The following DEDD2 variants were observed in gnomAD, a reference collection of about 807,000 sequenced individuals.
DEDD2 encodes DNA-binding death effector domain-containing protein 2.
A neutral mutation model predicts 28.9 loss-of-function variants in DEDD2; 18 were observed. That is an observed-to-expected ratio of 0.62 (90% CI 0.43 to 0.92). DEDD2 has a LOEUF of 0.92. DEDD2 is among the 40% of genes least tolerant of loss of function. The probability of loss-of-function intolerance (pLI) is 0.00; values close to 1 mark genes in which losing one functional copy is unlikely to be tolerated. For synonymous variants in DEDD2, 211 were observed against 206.1 expected, an observed-to-expected ratio of 1.02 and a Z score of -0.20; for missense variants, 411 against 463.3, an observed-to-expected ratio of 0.89 and a Z score of 1.04.
At chr19:42,219,161 G>A (rs1007007108), upstream of DEDD2, among the ~76,000 whole-genome samples, 2 of 151,852 alleles carry the variant, frequency 1.3e-5, no homozygotes, top group Non-Finnish European at 2.9e-5. Flanking sequence ...AAAATTAGCC[G>A]GGCGTGCTGA....
chr19:42,210,867 G>C (rs981517961), intron 3 of DEDD2, among the ~76,000 whole-genome samples: 2 of 151,694 alleles, frequency 1.3e-5, no homozygotes, highest in Non-Finnish European at 2.9e-5. Context: ...TCAGGAGTTC[G>C]AGACCAGTTT....
intron 3 of DEDD2, among the ~76,000 whole-genome samples, chr19:42,214,757 T>C (rs1021171020): frequency 2.6e-5 from 4 of 152,048 alleles, no homozygotes; most frequent in African/African-American, 7.2e-5. Context: ...ACCAAGCCCC[T>C]ATCTTGAAAA....
At position 42,199,343 on chromosome 19, in the gene DEDD2, C is replaced by T; in HGVS notation, c.*95G>A. 2.1e-6 allele frequency: 3 copies of T among 1,434,876 alleles called. No individual in the cohort carries two copies. The highest frequency in any genetic ancestry group is 2.7e-6 in the Non-Finnish European group (3 of 1,096,594). 88.9% of individuals were successfully genotyped at this position (1,434,876 alleles called of 1,614,324 possible). On this transcript the variant is annotated 3_prime_UTR_variant, in exon 5 of 5. Transcript: ENST00000596251. The surrounding 1 kb of genome is among the most constrained non-coding windows in gnomAD (Gnocchi z 7.4). ...GGTCCTGTCGCAGTCCTCAAAGATGCTAGAGTGACAGTCCTCTAGGGGTAG... is the reference window on the plus strand; with the variant it reads ...GGTCCTGTCGCAGTCCTCAAAGATGTTAGAGTGACAGTCCTCTAGGGGTAG...
At chr19:42,205,212 AAG>A (rs1456631963) in intron 4 of DEDD2, among the ~76,000 whole-genome samples, 2 of 152,244 alleles carry the variant, frequency 1.3e-5, no homozygotes, top group Non-Finnish European at 2.9e-5. Flanking sequence ...AAGGCGGAGA[AAG>A]AGAGATGGTA....
chr19:42,218,942 C>G, upstream of DEDD2, among the ~76,000 whole-genome samples: 1 of 152,196 alleles, frequency 6.6e-6, no homozygotes, highest in Non-Finnish European at 1.5e-5. Context: ...TCTCTTGAAC[C>G]AGGGAGCAGT....
chr19:42,217,070 G>A (rs1401876592), intron 1 of DEDD2, 25 bp from the exon 2 acceptor site: 13 of 1,496,136 alleles, frequency 8.7e-6, no homozygotes, highest in Non-Finnish European at 1.2e-5. Flanking sequence ...GCGGGGAGGG[G>A]GCAGTGGTCA....
intron 3 of DEDD2, 75 bp from the exon 4 acceptor site, chr19:42,209,915 A>C: frequency 7.0e-7 from 1 of 1,436,456 alleles, no homozygotes; most frequent in East Asian, 2.7e-5. Flanking sequence ...CTGGAAAAGA[A>C]CTCAAGGTGT....
Position 42,216,569 on chromosome 19 carries a change from G to A in DEDD2, c.328+111C>T, listed in dbSNP as rs534876712. 155 of 1,078,096 alleles carry A rather than the reference G, an allele frequency of 1.4e-4. 1 individual carries two copies. In the South Asian group the frequency reaches 2.4e-3, roughly 17 times the overall value. 66.8% of individuals were successfully genotyped at this position (1,078,096 alleles called of 1,614,324 possible). A position where few individuals can be genotyped will look rare whatever the true frequency, so the allele number is the denominator to read the frequency against. On this transcript the variant is annotated intron_variant, in intron 2 of 4. Transcript: ENST00000596251. ...TTGTGGGAAGAGAGAGTAGCAGAAT[G>A]GGACATAAGCTGCCTGATATGGCAC...
Position 42,215,359 on chromosome 19 carries a change from GC to G in DEDD2, c.329-108del. ...GTGCCTAAGTTCCCCAGTAGTCAGAGCCCAAATACCCACTCATTCTCAAACA... is the reference window on the plus strand; with the variant it reads ...GTGCCTAAGTTCCCCAGTAGTCAGAGCCAAATACCCACTCATTCTCAAACA... On this transcript the variant is annotated intron_variant, in intron 2 of 4. Transcript: ENST00000596251. 3.6e-6 allele frequency: 5 copies of G among 1,394,014 alleles called. No individual in the cohort carries two copies. In the South Asian group the frequency reaches 6.3e-5, roughly 17 times the overall value. 86.4% of individuals were successfully genotyped at this position (1,394,014 alleles called of 1,614,324 possible).
At position 42,215,177 on chromosome 19, in the gene DEDD2, T is replaced by C; in HGVS notation, c.404A>G (p.Gln135Arg). The change falls in exon 3 of 5, where the codon CAG becomes CGG. Residue 135 changes from glutamine (Q) to arginine (R), a missense_variant. Transcript: ENST00000596251. ...CTGAGAATTTGCAGAACTGCTTGAC[T>C]GCCGACGGCGACGGCAGCTACCCTC... is the stretch of plus-strand genomic sequence containing the variant. Reference protein sequence around the residue: ...RTEGSCRRRRQSSSSANSQQG... With the variant: ...RTEGSCRRRRRSSSSANSQQG... The C allele has an allele frequency of 6.2e-7, 1 of 1,614,198 alleles. No individual in the cohort carries two copies. The highest frequency in any genetic ancestry group is 1.1e-5 in the South Asian group (1 of 91,090).
intron 3 of DEDD2, among the ~76,000 whole-genome samples, chr19:42,212,589 T>G (rs934454322): frequency 6.6e-6 from 1 of 151,578 alleles, no homozygotes; most frequent in African/African-American, 2.4e-5. Flanking sequence ...CTCAGCCTCC[T>G]GAATAGCTGG....
rs768472689 is a variant in DEDD2, at chr19:42,199,426, G to C, written c.*12C>G. Reference sequence around the variant, plus strand: ...GAGACTTGGAGGTGGGATCAATCCTGCCAGTCCTGGATCAGGAGGCCTCTG... The same window carrying C: ...GAGACTTGGAGGTGGGATCAATCCTCCCAGTCCTGGATCAGGAGGCCTCTG... On this transcript the variant is annotated 3_prime_UTR_variant, in exon 5 of 5. Transcript: ENST00000596251. The surrounding 1 kb of genome is among the most constrained non-coding windows in gnomAD (Gnocchi z 7.4). 4 of 1,583,534 alleles carry C rather than the reference G, an allele frequency of 2.5e-6. No homozygotes were observed. The highest frequency in any genetic ancestry group is 3.4e-6 in the Non-Finnish European group (4 of 1,168,430).
In DEDD2 at chr19:42,216,862, A is replaced by G; in HGVS notation, c.146T>C (p.Leu49Pro). The change falls in exon 2 of 5, where the codon CTG becomes CCG. Residue 49 changes from leucine to proline, a missense_variant. Leu to Pro is a moderately conservative substitution (Grantham distance 98). Transcript: ENST00000596251. Reference sequence around the variant, plus strand: ...TCCGGCGGCGCCAGGAGCCTCATCCAGCAGAAAGGCCAGGAGCTCCAGCTC... The same window carrying G: ...TCCGGCGGCGCCAGGAGCCTCATCCGGCAGAAAGGCCAGGAGCTCCAGCTC... ...ECELELLAFL[L>P]DEAPGAAGGL... The G allele has an allele frequency of 6.3e-7, 1 of 1,594,334 alleles. No homozygotes were observed. Among genetic ancestry groups the G allele is most frequent in the Non-Finnish European group, 8.5e-7 (1 of 1,171,048 alleles).
chr19:42,216,789 C>T lies in DEDD2; in HGVS notation c.219G>A (p.Glu73=). ...RSGLELLLEL[E]RRGQCDESNL... is the part of the protein sequence containing the mutation. ...TGCTCTCGTCGCACTGCCCGCGGCGCTCCAGCTCCAGCAGGAGCTCTAGGC... is the reference window on the plus strand; with the variant it reads ...TGCTCTCGTCGCACTGCCCGCGGCGTTCCAGCTCCAGCAGGAGCTCTAGGC... Residue 73 remains glutamate (E), a synonymous_variant, in exon 2 of 5, where the codon GAG becomes GAA. Transcript: ENST00000596251. 1 of 1,586,900 alleles carries T rather than the reference C, an allele frequency of 6.3e-7. No individual in the cohort carries two copies. Among genetic ancestry groups the T allele is most frequent in the Non-Finnish European group, 8.6e-7 (1 of 1,166,966 alleles).
At position 42,199,202 on chromosome 19, in the gene DEDD2, G is replaced by C. The variant is rs558990293; in HGVS notation, c.*236C>G. 3.3e-6 allele frequency: 2 copies of C among 614,288 alleles called. No individual in the cohort carries two copies. Among genetic ancestry groups the C allele is most frequent in the South Asian group, 4.6e-5 (2 of 43,840 alleles). The allele number at this position is 614,288 out of a possible 1,614,324, so 38.1% of individuals were successfully genotyped here. ...TACAGGCCCAGCCCCCGCCTCCGGA[G>C]GCTAAGGGGGCACACCTGGGGGTAG... On this transcript the variant is annotated 3_prime_UTR_variant, in exon 5 of 5. Coordinates refer to ENST00000596251, the MANE Select transcript of DEDD2 (RefSeq NM_133328.4). The surrounding 1 kb of genome is among the most constrained non-coding windows in gnomAD (Gnocchi z 7.4).
At chr19:42,202,198 TTTC>T (rs1200466002) in intron 4 of DEDD2, 1 of 397,608 alleles carries the variant, frequency 2.5e-6, no homozygotes, top group Non-Finnish European at 4.4e-6. Flanking sequence ...GGAACTGTAA[TTTC>T]GACACCCAAC....
At chr19:42,218,500 G>A (rs2036065371), upstream of DEDD2, among the ~76,000 whole-genome samples, 1 of 152,040 alleles carries the variant, frequency 6.6e-6, no homozygotes, top group South Asian at 2.1e-4. Context: ...AACTAGAGAG[G>A]GTCTGTCAGG....
chr19:42,209,378 C>T (rs1026546035), intron 4 of DEDD2, among the ~76,000 whole-genome samples: 5 of 152,082 alleles, frequency 3.3e-5, no homozygotes, highest in East Asian at 1.9e-4. Flanking sequence ...TTTTTTACCC[C>T]GTGATATGCT....
chr19:42,218,639 C>G (rs1042944305), upstream of DEDD2, among the ~76,000 whole-genome samples: 2 of 152,212 alleles, frequency 1.3e-5, no homozygotes. Flanking sequence ...CTCCCTGGAC[C>G]TCTTCCCACC....
Sources: allele counts gnomAD v4.1 joint callset (sites outside exome capture counted in the v4.1 genomes callset), GRCh38; gene constraint gnomAD v4.1.1; non-coding constraint Gnocchi (gnomAD v3.1); transcripts MANE v1.5; gene names NCBI Gene and HGNC (gene_info 2026-07-23, HGNC 2026-07-21).